Variants in NRG1 observed in about 807,000 individuals in gnomAD.
NRG1 encodes pro-neuregulin-1, membrane-bound isoform.
Under a neutral mutation model 63.8 loss-of-function variants are expected in NRG1, and 18 were observed. The observed-to-expected ratio is 0.28, with a 90% confidence interval of 0.19 to 0.42. The LOEUF (loss-of-function observed/expected upper bound fraction) is 0.42. Ranked by LOEUF, NRG1 falls within the 10% of genes least tolerant of loss-of-function variation. The pLI is 1.00. For missense variants in NRG1, 762 were observed against 814.7 expected (o/e 0.94, Z 0.79); for synonymous variants, 302 against 301.3 (o/e 1.00, Z -0.02).
At chr8:32,234,397 T>A (rs756731742) in intron 1 of NRG1, among the ~76,000 whole-genome samples, 8 of 152,170 alleles carry the variant, frequency 5.3e-5, no homozygotes, top group Non-Finnish European at 7.3e-5. Context: ...TCACAACAAT[T>A]CCATATATAT....
rs59924522 is a variant in NRG1 at position 32,461,349 on chromosome 8, T to G, written c.38-134479T>G. Reference sequence around the variant, plus strand: ...TGCCTTCTAAAACGGCCTATTATACTACTATAGCTGTTGTCTATAAGGAAA... The same window carrying G: ...TGCCTTCTAAAACGGCCTATTATACGACTATAGCTGTTGTCTATAAGGAAA... On this transcript the variant is annotated intron_variant, in intron 1 of 10. Coordinates refer to the NRG1 transcript ENST00000519301. Among the ~76,000 whole-genome samples, 7,046 of 152,262 alleles carry G rather than the reference T, an allele frequency of 0.046. 1,128 individuals are homozygous for G. The East Asian group carries it at 0.62, about 13-fold the overall frequency.
intron 11 of NRG1, chr8:32,763,387 C>T: frequency 6.2e-7 from 1 of 1,608,570 alleles, no homozygotes. Flanking sequence ...TACTTCTTTC[C>T]CTTCCGAATC....
chr8:31,805,507 G>C (rs1342367534), intron 1 of NRG1, among the ~76,000 whole-genome samples: 1 of 152,014 alleles, frequency 6.6e-6, no homozygotes, highest in Non-Finnish European at 1.5e-5. Flanking sequence ...TTTATAAGCA[G>C]AAAACTTCAT....
intron 1 of NRG1, among the ~76,000 whole-genome samples, chr8:32,123,273 A>G (rs547364278): frequency 2.6e-5 from 4 of 152,008 alleles, no homozygotes; most frequent in Non-Finnish European, 5.9e-5. Context: ...GAGGGACCCA[A>G]TGGGAAGTAA....
intron 1 of NRG1, among the ~76,000 whole-genome samples, chr8:31,905,238 C>A (rs1342809669): frequency 6.6e-6 from 1 of 152,086 alleles, no homozygotes; most frequent in Non-Finnish European, 1.5e-5. Context: ...CCAGTAAGCT[C>A]CTTTTCCACA....
At chr8:31,704,614 T>C (rs1250314075) in intron 1 of NRG1, among the ~76,000 whole-genome samples, 2 of 151,780 alleles carry the variant, frequency 1.3e-5, no homozygotes, top group Non-Finnish European at 2.9e-5. Context: ...AGGCGGATCA[T>C]GAGGTCAGGA....
intron 1 of NRG1, among the ~76,000 whole-genome samples, chr8:31,929,906 T>C (rs934975250): frequency 6.6e-6 from 1 of 152,202 alleles, no homozygotes; most frequent in Non-Finnish European, 1.5e-5. Context: ...CAAGCCTGTC[T>C]TTTGACCTGA....
intron 1 of NRG1, among the ~76,000 whole-genome samples, chr8:32,067,149 C>T (rs1373096718): frequency 6.6e-6 from 1 of 152,186 alleles, no homozygotes; most frequent in African/African-American, 2.4e-5. Context: ...GACAATTTGA[C>T]TTCCTCTTTT....
intron 1 of NRG1, among the ~76,000 whole-genome samples, chr8:32,083,332 G>T (rs957945720): frequency 6.6e-6 from 1 of 152,204 alleles, no homozygotes; most frequent in Non-Finnish European, 1.5e-5. Context: ...TAGGCCAAGT[G>T]TGTTGGGTTG....
intron 1 of NRG1, among the ~76,000 whole-genome samples, chr8:31,755,704 T>C (rs1017934939): frequency 1.3e-5 from 2 of 152,094 alleles, no homozygotes; most frequent in African/African-American, 4.8e-5. Flanking sequence ...ATCTGGGGCA[T>C]GGGGTTCCAC....
intron 1 of NRG1, among the ~76,000 whole-genome samples, chr8:31,950,499 G>A (rs957345498): frequency 3.3e-5 from 5 of 152,194 alleles, no homozygotes; most frequent in Non-Finnish European, 7.4e-5. Flanking sequence ...ACAAACAGGT[G>A]AGCACCAGAT....
chr8:32,448,884 A>G (rs1820610706), intron 1 of NRG1, among the ~76,000 whole-genome samples: 1 of 152,080 alleles, frequency 6.6e-6, no homozygotes, highest in African/African-American at 2.4e-5. Flanking sequence ...TCTTGAGAAA[A>G]TCCTCTGAAG....
intron 5 of NRG1, among the ~76,000 whole-genome samples, chr8:32,682,970 C>T (rs917888321): frequency 2.6e-5 from 4 of 152,090 alleles, no homozygotes; most frequent in Admixed American, 1.3e-4. Context: ...TATATATAAC[C>T]TTTTATCTTT....
At chr8:31,645,913 C>T (rs2130853646) in intron 1 of NRG1, among the ~76,000 whole-genome samples, 1 of 152,268 alleles carries the variant, frequency 6.6e-6, no homozygotes, top group South Asian at 2.1e-4. Flanking sequence ...TTTATTTCCC[C>T]TATGAAGATA....
At chr8:31,783,151 A>G (rs983206359) in intron 1 of NRG1, among the ~76,000 whole-genome samples, 1 of 152,196 alleles carries the variant, frequency 6.6e-6, no homozygotes, top group Non-Finnish European at 1.5e-5. Context: ...TCAGTTTGTC[A>G]AAAGGATCAG....
At chr8:32,389,735 C>A (rs552002701) in intron 1 of NRG1, among the ~76,000 whole-genome samples, 1 of 149,158 alleles carries the variant, frequency 6.7e-6, no homozygotes, top group Non-Finnish European at 1.5e-5. Flanking sequence ...CAAGGTCCTG[C>A]AGCTTTTCTT....
At chr8:32,236,431 G>A (rs1221241060) in intron 1 of NRG1, among the ~76,000 whole-genome samples, 1 of 152,110 alleles carries the variant, frequency 6.6e-6, no homozygotes, top group Non-Finnish European at 1.5e-5. Flanking sequence ...ATTGAACAGA[G>A]TGTGAAGGAA....
At chr8:32,547,702 A>ATT (rs1343026574), upstream of NRG1, among the ~76,000 whole-genome samples, 1 of 151,968 alleles carries the variant, frequency 6.6e-6, no homozygotes, top group Non-Finnish European at 1.5e-5. Context: ...GTGCACCTGG[A>ATT]AGGAAGCCTT....
chr8:32,319,460 A>G (rs1801129519), intron 1 of NRG1, among the ~76,000 whole-genome samples: 1 of 152,194 alleles, frequency 6.6e-6, no homozygotes, highest in South Asian at 2.1e-4. Flanking sequence ...AAGAAGGCTG[A>G]GAGAGGGAAC....
Sources: allele counts gnomAD v4.1 joint callset (sites outside exome capture counted in the v4.1 genomes callset), GRCh38; gene constraint gnomAD v4.1.1; transcripts MANE v1.5; gene names NCBI Gene and HGNC (gene_info 2026-07-23, HGNC 2026-07-21).